HTR1F: variants seen among roughly 807,000 people sequenced by gnomAD.
The protein encoded by HTR1F is 5-hydroxytryptamine receptor 1F.
In HTR1F, 17 loss-of-function variants were observed where a neutral mutation model predicts 24.0. That is an observed-to-expected ratio of 0.71 (90% CI 0.48 to 1.06). The LOEUF is 1.06. Among genes scored for constraint, HTR1F ranks in the 50% least tolerant of loss-of-function variants. The pLI, the probability that HTR1F is intolerant of heterozygous loss-of-function variation, is 0.00. For missense variants in HTR1F, 391 were observed against 427.8 expected (o/e 0.91, Z 0.76); for synonymous variants, 186 against 156.8 (o/e 1.19, Z -1.39).
intron 2 of HTR1F, among the ~76,000 whole-genome samples, chr3:87,912,079 G>C (rs575293873): frequency 6.6e-6 from 1 of 152,044 alleles, no homozygotes; most frequent in South Asian, 2.1e-4. Flanking sequence ...AATCAGACAA[G>C]AGAAAGAATA....
At chr3:87,963,007 T>C (rs1369466817) in intron 2 of HTR1F, among the ~76,000 whole-genome samples, 1 of 152,044 alleles carries the variant, frequency 6.6e-6, no homozygotes, top group Non-Finnish European at 1.5e-5. Flanking sequence ...AATAATCATG[T>C]GTAATTTAAT....
At chr3:87,970,104 G>T (rs1164682158) in intron 2 of HTR1F, among the ~76,000 whole-genome samples, 1 of 152,304 alleles carries the variant, frequency 6.6e-6, no homozygotes, top group South Asian at 2.1e-4. Context: ...TTTATCAGCA[G>T]TGTGAGAACA....
chr3:87,810,981 T>C (rs1290322871), intron 1 of HTR1F, among the ~76,000 whole-genome samples: 1 of 152,202 alleles, frequency 6.6e-6, no homozygotes, highest in East Asian at 1.9e-4. Flanking sequence ...TTTCTATTGC[T>C]ATTCCCCAGA....
intron 1 of HTR1F, among the ~76,000 whole-genome samples, chr3:87,797,305 A>T (rs747767905): frequency 6.6e-6 from 1 of 152,210 alleles, no homozygotes; most frequent in Non-Finnish European, 1.5e-5. Flanking sequence ...GATAACTAGG[A>T]ACTACTGTAT....
chr3:87,862,516 A>G (rs1222721029), intron 2 of HTR1F, among the ~76,000 whole-genome samples: 1 of 152,182 alleles, frequency 6.6e-6, no homozygotes. Flanking sequence ...TTCTTTCTGT[A>G]CTTTTTAATT....
chr3:87,933,044 T>C (rs1389913260), intron 2 of HTR1F, among the ~76,000 whole-genome samples: 1 of 149,018 alleles, frequency 6.7e-6, no homozygotes, highest in Non-Finnish European at 1.5e-5. Flanking sequence ...CAAGGCTGGT[T>C]CAATATATGC....
intron 2 of HTR1F, among the ~76,000 whole-genome samples, chr3:87,889,824 TTAA>T (rs1706039656): frequency 6.6e-6 from 1 of 152,230 alleles, no homozygotes; most frequent in Non-Finnish European, 1.5e-5. Context: ...ATTTATGAGA[TTAA>T]TAATTTAACT....
At chr3:87,870,788 T>C (rs1364301315) in intron 2 of HTR1F, among the ~76,000 whole-genome samples, 2 of 152,104 alleles carry the variant, frequency 1.3e-5, no homozygotes, top group Non-Finnish European at 2.9e-5. Flanking sequence ...AGCAAGTTAT[T>C]ACAAGATTCT....
intron 2 of HTR1F, among the ~76,000 whole-genome samples, chr3:87,831,330 AATTATTATT>A (rs58022545): frequency 0.036 from 5,191 of 142,354 alleles, 113 homozygotes; most frequent in African/African-American, 0.055. Flanking sequence ...GATATTAAGA[AATTATTATT>A]ATTATTATTA....
intron 1 of HTR1F, among the ~76,000 whole-genome samples, chr3:87,806,187 T>A (rs980688749): frequency 1.3e-5 from 2 of 152,148 alleles, no homozygotes; most frequent in African/African-American, 4.8e-5. Flanking sequence ...TCCATGTCTT[T>A]GCTATTATGA....
At chr3:87,834,506 C>A (rs948826160) in intron 2 of HTR1F, among the ~76,000 whole-genome samples, 1 of 151,458 alleles carries the variant, frequency 6.6e-6, no homozygotes, top group Non-Finnish European at 1.5e-5. Context: ...GGAAAGTCAA[C>A]GTGAGGTGGC....
intron 1 of HTR1F, among the ~76,000 whole-genome samples, chr3:87,817,865 G>A (rs1166979770): frequency 2.0e-5 from 3 of 152,142 alleles, no homozygotes; most frequent in Non-Finnish European, 4.4e-5. Context: ...TACTGACGAA[G>A]TTATGCTATA....
intron 2 of HTR1F, among the ~76,000 whole-genome samples, chr3:87,987,617 T>A (rs1705690364): frequency 2.0e-5 from 2 of 98,786 alleles, no homozygotes. Context: ...AATACGGAAA[T>A]ATATATATAT....
intron 1 of HTR1F, among the ~76,000 whole-genome samples, chr3:87,811,149 T>C (rs1334760713): frequency 6.6e-6 from 1 of 152,178 alleles, no homozygotes; most frequent in Admixed American, 6.5e-5. Flanking sequence ...CTTAAAATTA[T>C]ATATGAACCA....
intron 2 of HTR1F, among the ~76,000 whole-genome samples, chr3:87,907,157 G>C (rs1327174920): frequency 6.6e-6 from 1 of 151,326 alleles, no homozygotes; most frequent in Admixed American, 6.6e-5. Context: ...CCACCAACAT[G>C]TAAAAGTGTT....
intron 2 of HTR1F, among the ~76,000 whole-genome samples, chr3:87,989,673 AATT>A (rs891703662): frequency 3.1e-4 from 47 of 152,300 alleles, no homozygotes; most frequent in Middle Eastern, 3.4e-3. Context: ...TTAAGTACAA[AATT>A]ATTATTTTGA....
chr3:87,920,435 A>G (rs1025909594), intron 2 of HTR1F, among the ~76,000 whole-genome samples: 3 of 152,014 alleles, frequency 2.0e-5, no homozygotes, highest in Non-Finnish European at 4.4e-5. Context: ...AAGATAAGCT[A>G]CTGCAAGACC....
At chr3:87,901,186 C>A (rs1161119213) in intron 2 of HTR1F, among the ~76,000 whole-genome samples, 3 of 151,896 alleles carry the variant, frequency 2.0e-5, no homozygotes, top group Non-Finnish European at 4.4e-5. Context: ...GTTTTCATAC[C>A]CCATCATTTG....
At chr3:87,840,109 A>G (rs1704768687) in intron 2 of HTR1F, among the ~76,000 whole-genome samples, 2 of 151,998 alleles carry the variant, frequency 1.3e-5, no homozygotes, top group African/African-American at 2.4e-5. Context: ...AGAATGATAT[A>G]TTTTCCTTTG....
Sources: gnomAD v4.1 joint callset for allele counts (sites outside exome capture counted in the v4.1 genomes callset) on GRCh38, gnomAD v4.1.1 for gene constraint, MANE v1.5 for transcripts, NCBI Gene and HGNC (gene_info 2026-07-23, HGNC 2026-07-21) for gene names.